ARID1B: variants seen among roughly 807,000 people sequenced by gnomAD.
ARID1B encodes AT-rich interaction domain 1B, also known as AT-rich interactive domain-containing protein 1B.
ARID1B carries 30 observed loss-of-function variants against 212.3 expected under a neutral mutation model. The observed-to-expected ratio is 0.14, with a 90% confidence interval of 0.11 to 0.19. The LOEUF is 0.19. Ranked by LOEUF, ARID1B falls within the 10% of genes least tolerant of loss-of-function variation. ARID1B has a pLI of 1.00. For missense variants in ARID1B, 2,891 were observed against 3,204.0 expected (o/e 0.90, Z 2.36); for synonymous variants, 1,402 against 1,301.7 (o/e 1.08, Z -1.66).
In ARID1B at chr6:157,174,056, C is replaced by T. The variant is rs746092285; in HGVS notation, c.3284C>T (p.Pro1095Leu). 6.2e-7 allele frequency: 1 copy of T among 1,614,078 alleles called. No homozygotes were observed. Among genetic ancestry groups the T allele is most frequent in the South Asian group, 1.1e-5 (1 of 91,070 alleles). The change falls in exon 10 of 20, where the codon CCC (proline) becomes CTC (leucine). Residue 1095 changes from proline (P) to leucine (L), a missense_variant. Transcript: ENST00000636930. ...DMMSPGESKL[P>L]LPLKADGKEE... ...ATGTCTCCTGGTGAATCCAAACTGC[C>T]CCTGCCTCTCAAAGCAGACGGCAAA...
chr6:157,008,589 G>A (rs1779379394), intron 4 of ARID1B, among the ~76,000 whole-genome samples: 1 of 152,160 alleles, frequency 6.6e-6, no homozygotes, highest in South Asian at 2.1e-4. Context: ...TAATCACTGT[G>A]ATTGCGATTT....
Position 156,951,392 on chromosome 6 carries a change from G to A in ARID1B, c.2247+15816G>A, listed in dbSNP as rs1793575411. ...CATTCCTGACTAGCAAAGTAAAGGG[G>A]AAAAATTGGGATTACCTAATTATTA... On this transcript the variant is annotated intron_variant, in intron 4 of 19. Coordinates refer to ENST00000636930, the MANE Select transcript of ARID1B (RefSeq NM_001374828.1). Among the ~76,000 whole-genome samples, 3 of 152,056 alleles carry A rather than the reference G, an allele frequency of 2.0e-5. No homozygotes were observed. The South Asian group carries it at 6.2e-4, about 32-fold the overall frequency.
intron 1 of ARID1B, among the ~76,000 whole-genome samples, chr6:156,812,981 T>TGTATAC (rs1781675721): frequency 1.4e-4 from 21 of 147,608 alleles, no homozygotes; most frequent in Admixed American, 2.7e-4. Flanking sequence ...TGTGTGTATG[T>TGTATAC]ATATACATAC....
At chr6:157,086,201 T>A (rs1398926046) in intron 5 of ARID1B, among the ~76,000 whole-genome samples, 1 of 152,174 alleles carries the variant, frequency 6.6e-6, no homozygotes, top group Non-Finnish European at 1.5e-5. Flanking sequence ...AGGCTAAAAT[T>A]TGCTTTTTTT....
rs1410787879 is a variant in ARID1B, at chr6:157,019,999, CCCTG to C, written c.2248-64659_2248-64656del. ...TTAAGTCCTTTAGGGTTTTTTCGCC[CCCTG>C]CCTTTCTCTTTTAGCAAAGATAAAT... is the stretch of plus-strand genomic sequence containing the variant. On this transcript the variant is annotated intron_variant, in intron 4 of 19. Transcript: ENST00000636930. 3.9e-5 allele frequency among the ~76,000 whole-genome samples: 6 copies of C among 152,158 alleles called. No individual in the cohort carries two copies. In the South Asian group the frequency reaches 1.2e-3, roughly 32 times the overall value.
At chr6:156,809,101 C>CT (rs910740952) in intron 1 of ARID1B, among the ~76,000 whole-genome samples, 1 of 151,846 alleles carries the variant, frequency 6.6e-6, no homozygotes, top group Non-Finnish European at 1.5e-5. Context: ...TATCAGGTGT[C>CT]TTTTTTTTGG....
chr6:157,003,534 C>G (rs2128435013), intron 4 of ARID1B, among the ~76,000 whole-genome samples: 1 of 152,274 alleles, frequency 6.6e-6, no homozygotes, highest in Non-Finnish European at 1.5e-5. Context: ...GCAAGGGAGT[C>G]AGGGAGATAC....
intron 4 of ARID1B, chr6:157,036,590 T>A (rs570681261): frequency 3.5e-5 from 11 of 316,368 alleles, no homozygotes; most frequent in South Asian, 2.8e-4. Context: ...GTCCACATGA[T>A]GGCAGATGGA....
At chr6:157,127,800 A>AC (rs1788241518) in intron 6 of ARID1B, among the ~76,000 whole-genome samples, 1 of 149,652 alleles carries the variant, frequency 6.7e-6, no homozygotes, top group East Asian at 1.9e-4. Flanking sequence ...AAAAAAAAAA[A>AC]AAAAAACAAA....
At chr6:157,045,276 A>G (rs1359599749) in intron 4 of ARID1B, among the ~76,000 whole-genome samples, 4 of 152,236 alleles carry the variant, frequency 2.6e-5, no homozygotes, top group Non-Finnish European at 5.9e-5. Context: ...GGCTACCAAT[A>G]TAGTATTTTG....
intron 4 of ARID1B, among the ~76,000 whole-genome samples, chr6:156,993,573 C>T (rs189936878): frequency 7.2e-5 from 11 of 152,252 alleles, no homozygotes; most frequent in Admixed American, 5.2e-4. Context: ...TGATATTATA[C>T]TATTTTAGAT....
intron 2 of ARID1B, among the ~76,000 whole-genome samples, chr6:156,862,496 A>G (rs1359877292): frequency 6.6e-6 from 1 of 152,228 alleles, no homozygotes; most frequent in Non-Finnish European, 1.5e-5. Context: ...AGTAAGAGAA[A>G]AAAACCAGAA....
intron 4 of ARID1B, among the ~76,000 whole-genome samples, chr6:156,954,788 C>T (rs900241176): frequency 2.6e-5 from 4 of 152,108 alleles, no homozygotes; most frequent in African/African-American, 9.7e-5. Context: ...ACTAGGATTT[C>T]TTCTGGGCTA....
intron 4 of ARID1B, among the ~76,000 whole-genome samples, chr6:157,074,267 C>G (rs1784172810): frequency 6.6e-6 from 1 of 152,136 alleles, no homozygotes; most frequent in Non-Finnish European, 1.5e-5. Flanking sequence ...CTCTGTCACC[C>G]AGGCTGGAAC....
chr6:157,040,298 A>G (rs1398494568), intron 4 of ARID1B, among the ~76,000 whole-genome samples: 1 of 152,174 alleles, frequency 6.6e-6, no homozygotes, highest in Non-Finnish European at 1.5e-5. Context: ...ACGCATTCAC[A>G]ATTGGTGTTT....
At chr6:156,822,853 C>T (rs1248338785) in intron 1 of ARID1B, among the ~76,000 whole-genome samples, 6 of 152,022 alleles carry the variant, frequency 3.9e-5, no homozygotes, top group Admixed American at 1.3e-4. Flanking sequence ...GGCGGGTGTG[C>T]GAGGGAGGAA....
chr6:157,173,910 C>A (rs891750296), intron 9 of ARID1B, 98 bp from the exon 10 acceptor site: 91 of 983,830 alleles, frequency 9.2e-5, no homozygotes, highest in Admixed American at 1.2e-4. Flanking sequence ...AAGGGAAATG[C>A]AAGGGCCTCC....
intron 4 of ARID1B, among the ~76,000 whole-genome samples, chr6:157,021,606 C>T (rs1177807847): frequency 2.0e-5 from 3 of 152,300 alleles, no homozygotes; most frequent in Non-Finnish European, 2.9e-5. Context: ...GGCTCGGACT[C>T]CTCCGACGGC....
intron 1 of ARID1B, among the ~76,000 whole-genome samples, chr6:156,808,448 G>A (rs551993000): frequency 6.6e-6 from 1 of 152,288 alleles, no homozygotes; most frequent in Admixed American, 6.5e-5. Flanking sequence ...CTATCACGTG[G>A]TGCTCTTGTG....
Sources: gnomAD v4.1 joint callset for allele counts (sites outside exome capture counted in the v4.1 genomes callset) on GRCh38, gnomAD v4.1.1 for gene constraint, MANE v1.5 for transcripts, NCBI Gene and HGNC (gene_info 2026-07-23, HGNC 2026-07-21) for gene names.